The following EP300 variants were observed in gnomAD, a reference collection of about 807,000 sequenced individuals.
EP300 encodes the protein histone acetyltransferase p300.
A neutral mutation model predicts 264.0 loss-of-function variants in EP300; 31 were observed. The ratio of observed to expected loss-of-function variants is 0.12; its 90% CI spans 0.09 to 0.16. EP300 has a LOEUF of 0.16. Among genes scored for constraint, EP300 ranks in the 10% least tolerant of loss-of-function variants. The pLI, the probability that EP300 is intolerant of heterozygous loss-of-function variation, is 1.00. For synonymous variants in EP300, 1,340 were observed against 1,045.4 expected (o/e 1.28, Z -5.44); for missense variants, 2,766 against 3,052.9 (o/e 0.91, Z 2.21).
intron 10 of EP300, among the ~76,000 whole-genome samples, chr22:41,143,878 C>T (rs2058996447): frequency 6.6e-6 from 1 of 152,146 alleles, no homozygotes; most frequent in Non-Finnish European, 1.5e-5. Context: ...CACACCTGGC[C>T]ACGTTTGATT....
At chr22:41,175,946 G>C (rs1338529245) in intron 29 of EP300, 1 of 428,870 alleles carries the variant, frequency 2.3e-6, no homozygotes, top group Non-Finnish European at 4.3e-6. Flanking sequence ...TCAGCCTGCT[G>C]TACCTGCTCA....
rs190220182 is a variant in EP300, at chr22:41,109,736, G to C, written c.95-7451G>C. ...TCTTTTTTTTTTGGCAGGGGGAGGA[G>C]GACGGGAACGGATGGAGTTGGTTTT... is the stretch of plus-strand genomic sequence containing the variant. On this transcript the variant is annotated intron_variant, in intron 1 of 30. Coordinates refer to ENST00000263253, the MANE Select transcript of EP300 (RefSeq NM_001429.4). Among the ~76,000 whole-genome samples the C allele has an allele frequency of 7.1e-3, 1,074 of 151,522 alleles. 9 individuals carry two copies. Among genetic ancestry groups the C allele is most frequent in the Middle Eastern group, 0.014 (4 of 294 alleles).
rs71328778 is a variant in EP300, at chr22:41,167,814, G to GGTTTTTTTTTTTTTTTTTTT, written c.3875-635_3875-634insGTTTTTTTTTTTTTTTTTTT. 6.0e-5 allele frequency among the ~76,000 whole-genome samples: 4 copies of GGTTTTTTTTTTTTTTTTTTT among 66,226 alleles called. 1 individual carries two copies. The highest frequency in any genetic ancestry group is 2.7e-4 in the Admixed American group (1 of 3,738). The allele number at this position is 66,226 out of a possible 152,430, so 43.4% of individuals were successfully genotyped here. A position where few individuals can be genotyped will look rare whatever the true frequency, so the allele number is the denominator to read the frequency against. ...CATTGTTCTATTTCTGTTTGTTTTT[G>GGTTTTTTTTTTTTTTTTTTT]TTTTTTTTTTTGTTTTTTTTTTTTT... On this transcript the variant is annotated intron_variant, in intron 23 of 30. Coordinates refer to ENST00000263253, the MANE Select transcript of EP300 (RefSeq NM_001429.4).
intron 2 of EP300, among the ~76,000 whole-genome samples, chr22:41,119,893 C>T (rs149108792): frequency 1.3e-5 from 2 of 152,258 alleles, no homozygotes; most frequent in Non-Finnish European, 2.9e-5. Context: ...TGGATCACTG[C>T]AACCTCTGCC....
Position 41,117,835 on chromosome 22 carries a change from T to C in EP300, c.729+14T>C, listed in dbSNP as rs780838755. ...CAGCCTCTTAAGGTAAGTACAGTTTTGGTTTGTGTGCACAATCGGCATGCA... is the reference window on the plus strand; with the variant it reads ...CAGCCTCTTAAGGTAAGTACAGTTTCGGTTTGTGTGCACAATCGGCATGCA... On this transcript the variant is annotated intron_variant, in intron 2 of 30. Transcript: ENST00000263253. The C allele has an allele frequency of 8.7e-6, 14 of 1,613,496 alleles. No individual in the cohort carries two copies. The South Asian group carries it at 1.5e-4, about 18-fold the overall frequency.
At position 41,127,681 on chromosome 22, in the gene EP300, C is replaced by G. The variant is rs2058890969; in HGVS notation, c.1101C>G (p.Pro367=). Residue 367 remains proline, a synonymous_variant, in exon 4 of 31, where the codon CCC becomes CCG. Coordinates refer to ENST00000263253, the MANE Select transcript of EP300 (RefSeq NM_001429.4). ...ANGEVRQCNL[P]HCRTMKNVLN... ...GGGAAGTGAGGCAGTGCAACCTTCC[C>G]CACTGTCGCACAATGAAGAATGTCC... 1 of 1,614,220 alleles carries G rather than the reference C, an allele frequency of 6.2e-7. No homozygotes were observed. The highest frequency in any genetic ancestry group is 8.5e-7 in the Non-Finnish European group (1 of 1,180,050).
In EP300 at chr22:41,177,179, A is replaced by G; in HGVS notation, c.5468A>G (p.Gln1823Arg). ...LRQQQLQHRL[Q>R]QAQMLRRRMA... ...CAGCAACAGCTGCAGCACCGACTAC[A>G]GCAGGCCCAAATGCTTCGCAGGAGG... Residue 1823 changes from glutamine (Q) to arginine (R), a missense_variant, in exon 31 of 31, where the codon CAG becomes CGG. Gln to Arg is a conservative substitution (Grantham distance 43). Transcript: ENST00000263253. The G allele has an allele frequency of 6.2e-7, 1 of 1,614,138 alleles. No individual in the cohort carries two copies. Among genetic ancestry groups the G allele is most frequent in the Non-Finnish European group, 8.5e-7 (1 of 1,180,002 alleles).
At position 41,093,204 on chromosome 22, in the gene EP300, C is replaced by G; in HGVS notation, c.94+106C>G. The G allele has an allele frequency of 7.1e-6, 8 of 1,130,092 alleles. No individual in the cohort carries two copies. In the South Asian group the frequency reaches 1.1e-4, roughly 15 times the overall value. The allele number at this position is 1,130,092 out of a possible 1,614,324, so 70.0% of individuals were successfully genotyped here. On this transcript the variant is annotated intron_variant, in intron 1 of 30. Transcript: ENST00000263253. ...TCTTCCTCTCTCTCTAGTTCCCTGC[C>G]CCTTAATTAATTTTAAAGGTATTTG... is the stretch of plus-strand genomic sequence containing the variant.
chr22:41,118,252 A>T (rs1245011717), intron 2 of EP300, among the ~76,000 whole-genome samples: 1 of 152,114 alleles, frequency 6.6e-6, no homozygotes, highest in Non-Finnish European at 1.5e-5. Context: ...ATTTTTCTTT[A>T]TTGGTTGATG....
rs113214815 is a variant in EP300, at chr22:41,146,833, A to T, written c.2131+17A>T. ...CACAATCTGGTAAATAGTGAAAAAA[A>T]TTTTTTTATTTTAAAAGAATCCCCG... On this transcript the variant is annotated intron_variant, in intron 11 of 30. Coordinates refer to ENST00000263253, the MANE Select transcript of EP300 (RefSeq NM_001429.4). 2.3e-3 allele frequency: 3,724 copies of T among 1,608,968 alleles called. 79 individuals are homozygous for T. The African/African-American group carries it at 0.045, about 19-fold the overall frequency.
At chr22:41,106,635 GTTGT>G (rs1181025000) in intron 1 of EP300, among the ~76,000 whole-genome samples, 2 of 152,108 alleles carry the variant, frequency 1.3e-5, no homozygotes, top group Non-Finnish European at 2.9e-5. Flanking sequence ...AGTGTTTTTT[GTTGT>G]TTGTTTGAGA....
At chr22:41,157,913 G>T (rs117018441) in intron 18 of EP300, among the ~76,000 whole-genome samples, 1,784 of 152,282 alleles carry the variant, frequency 0.012, 15 homozygotes, top group Non-Finnish European at 0.02. Context: ...AGTGGCAATT[G>T]TATGGAAAAG....
At chr22:41,147,802 G>A (rs2145733889) in intron 11 of EP300, 35 bp from the exon 12 acceptor site, 1 of 1,307,186 alleles carries the variant, frequency 7.7e-7, no homozygotes, top group Middle Eastern at 1.8e-4. Flanking sequence ...ATTTCACAAA[G>A]GCATTCAGAT....
At chr22:41,147,185 A>G (rs2059016048) in intron 11 of EP300, among the ~76,000 whole-genome samples, 2 of 152,130 alleles carry the variant, frequency 1.3e-5, no homozygotes, top group African/African-American at 4.8e-5. Flanking sequence ...ACGGGCCTGT[A>G]ATCCCATTTA....
intron 27 of EP300, among the ~76,000 whole-genome samples, chr22:41,170,962 CTTTTT>C (rs566562957): frequency 7.3e-6 from 1 of 136,630 alleles, no homozygotes; most frequent in Non-Finnish European, 1.6e-5. Context: ...CGTGCCCAGC[CTTTTT>C]TTTTTTTTTT....
At chr22:41,172,731 A>C in intron 28 of EP300, 68 bp downstream of exon 28, 1 of 1,522,466 alleles carries the variant, frequency 6.6e-7, no homozygotes, top group Non-Finnish European at 9.0e-7. Flanking sequence ...AGTGCACTTA[A>C]ACTTTCAATT....
rs1345100589 is a variant in EP300, at chr22:41,117,596, G to A, written c.504G>A (p.Gly168=). Residue 168 remains glycine, a synonymous_variant, in exon 2 of 31, where the codon GGG becomes GGA. Transcript: ENST00000263253. ...VNQPAMGMNT[G]MNAGMNPGML... is the part of the protein sequence containing the mutation. ...AGCCTGCCATGGGAATGAACACAGG[G>A]ATGAATGCGGGCATGAATCCTGGAA... is the stretch of plus-strand genomic sequence containing the variant. 5.0e-6 allele frequency: 8 copies of A among 1,614,218 alleles called. No individual in the cohort carries two copies. Among genetic ancestry groups the A allele is most frequent in the Non-Finnish European group, 6.8e-6 (8 of 1,180,038 alleles).
At chr22:41,134,128 T>C (rs776179666) in intron 6 of EP300, among the ~76,000 whole-genome samples, 1 of 151,870 alleles carries the variant, frequency 6.6e-6, no homozygotes, top group African/African-American at 2.4e-5. Flanking sequence ...CCTGTTGTTA[T>C]TGTTTATTAC....
At chr22:41,176,568 A>G (rs979869023) in intron 30 of EP300, 40 bp downstream of exon 30, 19 of 1,612,414 alleles carry the variant, frequency 1.2e-5, no homozygotes, top group African/African-American at 5.3e-5. Flanking sequence ...TGAGCTCCGC[A>G]GGGTTGTTCT....
Sources: allele counts gnomAD v4.1 joint callset (sites outside exome capture counted in the v4.1 genomes callset), GRCh38; gene constraint gnomAD v4.1.1; transcripts MANE v1.5; gene names NCBI Gene and HGNC (gene_info 2026-07-23, HGNC 2026-07-21).